CALN1: variants seen among roughly 807,000 people sequenced by gnomAD.
CALN1 encodes calneuron 1.
Under a neutral mutation model 30.6 loss-of-function variants are expected in CALN1, and 17 were observed. The ratio of observed to expected loss-of-function variants is 0.56; its 90% CI spans 0.38 to 0.83. The LOEUF is 0.83. CALN1 is among the 40% of genes least tolerant of loss of function. The pLI is 0.00. For missense variants in CALN1, 291 were observed against 354.9 expected (o/e 0.82, Z 1.45); for synonymous variants, 156 against 131.4 (o/e 1.19, Z -1.28).
At chr7:71,808,303 A>G (rs1367341295) in intron 6 of CALN1, among the ~76,000 whole-genome samples, 2 of 151,518 alleles carry the variant, frequency 1.3e-5, no homozygotes, top group African/African-American at 4.8e-5. Flanking sequence ...AATGGTAACA[A>G]TTATTAGTCC....
the CALN1 span, among the ~76,000 whole-genome samples, chr7:72,495,561 C>T: frequency 6.6e-6 from 1 of 152,260 alleles, no homozygotes; most frequent in Admixed American, 6.5e-5. Flanking sequence ...CATGCCACAC[C>T]CCATGAGCAA....
At chr7:72,497,813 A>C in the CALN1 span, among the ~76,000 whole-genome samples, 1 of 152,220 alleles carries the variant, frequency 6.6e-6, no homozygotes, top group Admixed American at 6.5e-5. Context: ...CGACTAATAA[A>C]TAGAGGGGAA....
intron 4 of CALN1, among the ~76,000 whole-genome samples, chr7:72,091,445 TA>T (rs1563049855): frequency 1.3e-5 from 2 of 152,248 alleles, no homozygotes; most frequent in African/African-American, 4.8e-5. Flanking sequence ...AGGCGATGGA[TA>T]CCTCAATCAC....
At chr7:72,378,493 A>AT (rs1379550376) in intron 2 of CALN1, among the ~76,000 whole-genome samples, 1 of 152,178 alleles carries the variant, frequency 6.6e-6, no homozygotes, top group Non-Finnish European at 1.5e-5. Flanking sequence ...GAAACACAGA[A>AT]TTTTAGAGTT....
intron 3 of CALN1, among the ~76,000 whole-genome samples, chr7:72,222,467 C>T (rs1330563735): frequency 6.6e-6 from 1 of 152,186 alleles, no homozygotes; most frequent in Non-Finnish European, 1.5e-5. Context: ...CGAGAACTCA[C>T]TCACTGTCAT....
chr7:72,256,632 G>A (rs1212482554), intron 3 of CALN1, among the ~76,000 whole-genome samples: 1 of 151,048 alleles, frequency 6.6e-6, no homozygotes, highest in East Asian at 1.9e-4. Flanking sequence ...TTTGAGACCA[G>A]GTTTTGGTCT....
intron 4 of CALN1, among the ~76,000 whole-genome samples, chr7:72,032,262 G>T (rs575411628): frequency 6.7e-6 from 1 of 150,234 alleles, no homozygotes; most frequent in South Asian, 2.1e-4. Flanking sequence ...GTTTCATCGT[G>T]GTCTCGATCT....
rs73366905 is a variant in CALN1, at chr7:72,433,623, C to T, written c.-226+13419G>A. On this transcript the variant is annotated intron_variant, in intron 1 of 6. Transcript: ENST00000395276. ...AACTCTCAGTTTTGGCTCTGCTTCC[C>T]TACTTCTTCTCAAGCAGAAGCATCT... is the stretch of plus-strand genomic sequence containing the variant. 9.4e-3 allele frequency among the ~76,000 whole-genome samples: 1,438 copies of T among 152,200 alleles called. 25 individuals carry two copies. Among genetic ancestry groups the T allele is most frequent in the African/African-American group, 0.033 (1,373 of 41,496 alleles).
Position 71,971,973 on chromosome 7 carries a change from G to T in CALN1, c.501+51684C>A, listed in dbSNP as rs1483190320. The stretch of plus-strand genomic sequence containing the variant: ...AAAAAAAAAGAAAGAAAGAAAGAAA[G>T]AAAGAAAGAAAGAAAGAAAGAGAAA... On this transcript the variant is annotated intron_variant, in intron 5 of 6. Transcript: ENST00000395275. Among the ~76,000 whole-genome samples, 138 of 96,924 alleles carry T rather than the reference G, an allele frequency of 1.4e-3. 2 individuals carry two copies. Among genetic ancestry groups the T allele is most frequent in the African/African-American group, 4.8e-3 (129 of 26,832 alleles). 63.6% of individuals were successfully genotyped at this position (96,924 alleles called of 152,430 possible).
At chr7:72,276,913 A>T (rs186373900) in intron 3 of CALN1, among the ~76,000 whole-genome samples, 110 of 152,214 alleles carry the variant, frequency 7.2e-4, no homozygotes, top group Middle Eastern at 3.4e-3. Context: ...GAACTTATTC[A>T]CTCTCTCCAC....
intron 2 of CALN1, among the ~76,000 whole-genome samples, chr7:72,315,696 C>A (rs965244151): frequency 1.3e-5 from 2 of 151,106 alleles, no homozygotes; most frequent in Non-Finnish European, 2.9e-5. Flanking sequence ...CACAGTGAGA[C>A]CCTGTCTCTA....
At chr7:72,261,221 T>G (rs112347189) in intron 3 of CALN1, among the ~76,000 whole-genome samples, 1 of 151,984 alleles carries the variant, frequency 6.6e-6, no homozygotes, top group East Asian at 1.9e-4. Context: ...GGCAGGAGAA[T>G]TGCTTGAACC....
At position 72,292,372 on chromosome 7, in the gene CALN1, G is replaced by A. The variant is rs536650066; in HGVS notation, c.120-13562C>T. On this transcript the variant is annotated intron_variant, in intron 2 of 6. Coordinates refer to ENST00000395275, the MANE Select transcript of CALN1 (RefSeq NM_031468.4). ...CTGGTCTCTTTGTCCCCTTATAAGA[G>A]GACATTCGTGAGGATTCCACCTCAT... is the stretch of plus-strand genomic sequence containing the variant. Among the ~76,000 whole-genome samples, 4 of 151,152 alleles carry A rather than the reference G, an allele frequency of 2.6e-5. No individual in the cohort carries two copies. The East Asian group carries it at 8.0e-4, about 30-fold the overall frequency.
At chr7:72,327,393 G>A (rs751332970) in intron 2 of CALN1, among the ~76,000 whole-genome samples, 11 of 152,210 alleles carry the variant, frequency 7.2e-5, no homozygotes, top group African/African-American at 2.4e-4. Context: ...GGAGGCTGAC[G>A]CAGGGGAATC....
chr7:72,371,096 G>A (rs1438684786), intron 2 of CALN1, among the ~76,000 whole-genome samples: 1 of 150,668 alleles, frequency 6.6e-6, no homozygotes, highest in East Asian at 1.9e-4. Context: ...ATAAAGTCTG[G>A]TATATTAATT....
Position 72,193,767 on chromosome 7 carries a change from T to C in CALN1, c.244+84919A>G, listed in dbSNP as rs529535638. ...AATGAGTGGATAAAGAAATTGTCTATACTATTCAGCCATAAAAAGGAACAA... is the reference window on the plus strand; with the variant it reads ...AATGAGTGGATAAAGAAATTGTCTACACTATTCAGCCATAAAAAGGAACAA... On this transcript the variant is annotated intron_variant, in intron 3 of 6. Transcript: ENST00000395275. Among the ~76,000 whole-genome samples the C allele has an allele frequency of 3.9e-5, 6 of 152,334 alleles. No individual in the cohort carries two copies. The South Asian group carries it at 6.2e-4, about 16-fold the overall frequency.
chr7:71,966,558 T>G (rs1233225776), intron 5 of CALN1, among the ~76,000 whole-genome samples: 2 of 152,230 alleles, frequency 1.3e-5, no homozygotes, highest in African/African-American at 4.8e-5. Context: ...TCCTGCCATG[T>G]AAGATGCACC....
intron 5 of CALN1, among the ~76,000 whole-genome samples, chr7:71,852,891 AC>A (rs1180582528): frequency 6.6e-6 from 1 of 152,118 alleles, no homozygotes. Flanking sequence ...GTTGAGCACA[AC>A]CTTTACAGGA....
chr7:72,337,071 C>A lies in CALN1; in HGVS notation c.120-58261G>T, dbSNP rs979627375. The A allele has an allele frequency of 2.1e-5, 21 of 985,668 alleles. No individual in the cohort carries two copies. The African/African-American group carries it at 3.7e-4, about 17-fold the overall frequency. 61.1% of individuals were successfully genotyped at this position (985,668 alleles called of 1,614,324 possible). On this transcript the variant is annotated intron_variant, in intron 2 of 6. Coordinates refer to ENST00000395275, the MANE Select transcript of CALN1 (RefSeq NM_031468.4). ...CCTCTACCCCTCCCGCTCCCGCTGG[C>A]CGCGCGGGTTCAGCCCATGTGCGCG...
Sources: allele counts gnomAD v4.1 joint callset (sites outside exome capture counted in the v4.1 genomes callset), GRCh38; gene constraint gnomAD v4.1.1; transcripts MANE v1.5; gene names NCBI Gene and HGNC (gene_info 2026-07-23, HGNC 2026-07-21).